Variants in PRRC2C observed in about 807,000 individuals in gnomAD.
PRRC2C encodes protein PRRC2C.
In PRRC2C, 72 loss-of-function variants were observed where a neutral mutation model predicts 317.2. That is an observed-to-expected ratio of 0.23 (90% confidence interval 0.19 to 0.28). The LOEUF (loss-of-function observed/expected upper bound fraction) is 0.28. Ranked by LOEUF, PRRC2C falls within the 10% of genes least tolerant of loss-of-function variation. PRRC2C has a pLI of 1.00. For synonymous variants in PRRC2C, 1,296 were observed against 1,205.9 expected (o/e 1.07, Z -1.55); for missense variants, 3,074 against 3,459.7 (o/e 0.89, Z 2.80).
intron 1 of PRRC2C, among the ~76,000 whole-genome samples, chr1:171,489,876 C>CTTTTAATTAAATGAATTAA (rs1395471686): frequency 1.3e-5 from 2 of 152,120 alleles, no homozygotes; most frequent in African/African-American, 2.4e-5. Flanking sequence ...TAATATTTTT[C>CTTTTAATTAAATGAATTAA]TTCAATTCAA....
In PRRC2C at chr1:171,587,120, G is replaced by C; in HGVS notation, c.7867G>C (p.Ala2623Pro). 6.2e-7 allele frequency: 1 copy of C among 1,611,534 alleles called. No individual in the cohort carries two copies. Among genetic ancestry groups the C allele is most frequent in the South Asian group, 1.1e-5 (1 of 90,288 alleles). The part of the protein sequence containing the change: ...QPPLQHTTPQ[A>P]QAQSLSRPAQ... ...CCCATTACAGCATACCACTCCCCAA[G>C]CACAGGCTCAGAGTCTGAGTCGTCC... Residue 2623 changes from alanine to proline, a missense_variant, in exon 31 of 35, where the codon GCA becomes CCA. Coordinates refer to ENST00000647382, the MANE Select transcript of PRRC2C (RefSeq NM_001387844.1).
Position 171,541,266 on chromosome 1 carries a change from C to T in PRRC2C, c.3800C>T (p.Thr1267Ile). The change falls in exon 16 of 35, where the codon ACT becomes ATT. Residue 1267 changes from threonine to isoleucine, a missense_variant. Physicochemically the swap from Thr to Ile is moderately conservative, Grantham distance 89. Around this residue, in one of 11 missense-constraint regions of PRRC2C, gnomAD observed 1,320 missense variants for 1,395.7 expected, o/e 0.95. Coordinates refer to ENST00000647382, the MANE Select transcript of PRRC2C (RefSeq NM_001387844.1). This position sits in a 1 kb window ranked among gnomAD's most constrained non-coding sequence, Gnocchi z 4.1. ...AGAAGACGACAGCGGGGTTCAGAGA[C>T]TGACACAGACAGTGAAATTCATGAA... ...PKRRRQRGSE[T>I]DTDSEIHESA... 1.2e-6 allele frequency: 2 copies of T among 1,613,908 alleles called. No individual in the cohort carries two copies. Among genetic ancestry groups the T allele is most frequent in the East Asian group, 2.2e-5 (1 of 44,872 alleles).
intron 24 of PRRC2C, among the ~76,000 whole-genome samples, chr1:171,572,711 A>G (rs1037104175): frequency 6.6e-6 from 1 of 152,112 alleles, no homozygotes; most frequent in African/African-American, 2.4e-5. Flanking sequence ...TATGGTTTTT[A>G]TCATTATACT....
At chr1:171,495,706 A>ACT (rs1355029285) in intron 1 of PRRC2C, among the ~76,000 whole-genome samples, 1 of 152,128 alleles carries the variant, frequency 6.6e-6, no homozygotes, top group Non-Finnish European at 1.5e-5. Flanking sequence ...TGGAACTAGG[A>ACT]GTGTGGTGAA....
intron 2 of PRRC2C, chr1:171,512,425 G>T (rs1266898578): frequency 1.8e-5 from 7 of 398,702 alleles, no homozygotes; most frequent in Non-Finnish European, 2.4e-5. Context: ...GTTTTTCTCT[G>T]TTGTCAGCAG....
At chr1:171,492,305 A>T (rs1667296320) in intron 1 of PRRC2C, among the ~76,000 whole-genome samples, 1 of 152,240 alleles carries the variant, frequency 6.6e-6, no homozygotes, top group South Asian at 2.1e-4. Context: ...CCCATGCTGA[A>T]TGATTTGTTT....
intron 2 of PRRC2C, 26 bp downstream of exon 2, chr1:171,512,226 G>A (rs1671500929): frequency 4.2e-6 from 6 of 1,429,604 alleles, no homozygotes; most frequent in Non-Finnish European, 5.8e-6. Flanking sequence ...TGACACTTAT[G>A]TTTTTCATGG....
Position 171,532,728 on chromosome 1 carries a change from T to C in PRRC2C, c.1640T>C (p.Leu547Pro). Reference sequence around the variant, plus strand: ...AGACAGCAGGAAAAGGAGAAAGAGCTGGAGAAGGAGCAGGAAAAACAAAGA... The same window carrying C: ...AGACAGCAGGAAAAGGAGAAAGAGCCGGAGAAGGAGCAGGAAAAACAAAGA... ...RERQQEKEKELEKEQEKQREM... is the reference protein window; with the variant it reads ...RERQQEKEKEPEKEQEKQREM... Residue 547 changes from leucine (L) to proline (P), a missense_variant, in exon 12 of 35, where the codon CTG (leucine) becomes CCG (proline). Around this residue, in one of 11 missense-constraint regions of PRRC2C, gnomAD observed 1,320 missense variants for 1,395.7 expected, o/e 0.95. Coordinates refer to ENST00000647382, the MANE Select transcript of PRRC2C (RefSeq NM_001387844.1). 1 of 1,540,940 alleles carries C rather than the reference T, an allele frequency of 6.5e-7. No individual in the cohort carries two copies. The highest frequency in any genetic ancestry group is 8.7e-7 in the Non-Finnish European group (1 of 1,144,394).
At chr1:171,515,291 CAAAGT>C (rs1390375574) in intron 4 of PRRC2C, among the ~76,000 whole-genome samples, 2 of 152,126 alleles carry the variant, frequency 1.3e-5, no homozygotes, top group Non-Finnish European at 2.9e-5. Context: ...TAAATTAAAT[CAAAGT>C]AAAGTAAATG....
At chr1:171,510,158 T>C (rs567565627) in intron 1 of PRRC2C, 54 of 152,364 alleles carry the variant, frequency 3.5e-4, no homozygotes, top group African/African-American at 1.3e-3. Context: ...GCCAGAAACA[T>C]GGTTCTGCGA....
At chr1:171,487,715 A>G (rs1373895041) in intron 1 of PRRC2C, among the ~76,000 whole-genome samples, 1 of 152,196 alleles carries the variant, frequency 6.6e-6, no homozygotes, top group East Asian at 1.9e-4. Flanking sequence ...ATAATGGATA[A>G]TGTATGTAAA....
intron 26 of PRRC2C, among the ~76,000 whole-genome samples, chr1:171,579,023 G>A (rs886255786): frequency 7.9e-5 from 12 of 152,160 alleles, no homozygotes; most frequent in African/African-American, 2.9e-4. Context: ...GAGTAGAATT[G>A]CTGGTTCAAT....
At chr1:171,503,428 G>A (rs1205678162) in intron 1 of PRRC2C, among the ~76,000 whole-genome samples, 1 of 151,918 alleles carries the variant, frequency 6.6e-6, no homozygotes, top group Non-Finnish European at 1.5e-5. Flanking sequence ...GGAGGCTGAG[G>A]CAGGAGAATC....
intron 3 of PRRC2C, among the ~76,000 whole-genome samples, chr1:171,514,251 A>AGTGTGTGTGTGTGTGTGT (rs758313835): frequency 7.6e-6 from 1 of 131,748 alleles, no homozygotes; most frequent in Non-Finnish European, 1.6e-5. Flanking sequence ...TTTAATTAAA[A>AGTGTGTGTGTGTGTGTGT]GTGTGTGTGT....
At position 171,577,717 on chromosome 1, in the gene PRRC2C, T is replaced by A. The variant is rs190205490; in HGVS notation, c.7159+80T>A. 29 of 1,284,954 alleles carry A rather than the reference T, an allele frequency of 2.3e-5. No individual in the cohort carries two copies. In the Admixed American group the frequency reaches 5.7e-4, roughly 25 times the overall value. 79.6% of individuals were successfully genotyped at this position (1,284,954 alleles called of 1,614,324 possible). On this transcript the variant is annotated intron_variant, in intron 26 of 34. Coordinates refer to ENST00000647382, the MANE Select transcript of PRRC2C (RefSeq NM_001387844.1). ...TGCTTATTTTTGTCTCTTCTTACCC[T>A]TTCAGCTAAGCATAAGGCTCTTAAA...
Position 171,517,732 on chromosome 1 carries a change from T to C in PRRC2C, c.668T>C (p.Ile223Thr), listed in dbSNP as rs980992721. 3.1e-6 allele frequency: 5 copies of C among 1,613,796 alleles called. No individual in the cohort carries two copies. In the Admixed American group the frequency reaches 5.0e-5, roughly 16 times the overall value. ...NDILKVVEKR[I>T]ACGPPQAKLN... ...ATCCTCAAAGTGGTGGAAAAGAGGATAGCTTGTGGTCCTCCACAGGCTAAA... is the reference window on the plus strand; with the variant it reads ...ATCCTCAAAGTGGTGGAAAAGAGGACAGCTTGTGGTCCTCCACAGGCTAAA... The change falls in exon 6 of 35, where the codon ATA (isoleucine) becomes ACA (threonine). Residue 223 changes from isoleucine (I) to threonine (T), a missense_variant. Around this residue, in one of 11 missense-constraint regions of PRRC2C, gnomAD observed 237 missense variants for 199.5 expected, o/e 1.19. Coordinates refer to ENST00000647382, the MANE Select transcript of PRRC2C (RefSeq NM_001387844.1).
intron 11 of PRRC2C, among the ~76,000 whole-genome samples, chr1:171,530,506 A>G (rs1226027798): frequency 6.6e-6 from 1 of 151,922 alleles, no homozygotes; most frequent in Non-Finnish European, 1.5e-5. Context: ...TTGGCCTCCT[A>G]AAGTGCTGGA....
intron 15 of PRRC2C, among the ~76,000 whole-genome samples, chr1:171,538,083 G>A (rs1438508053): frequency 6.6e-6 from 1 of 152,082 alleles, no homozygotes; most frequent in African/African-American, 2.4e-5. Flanking sequence ...TGTATTTTTA[G>A]TAGAGACGGG....
chr1:171,530,688 T>C (rs1675678371), intron 11 of PRRC2C, among the ~76,000 whole-genome samples: 1 of 152,164 alleles, frequency 6.6e-6, no homozygotes, highest in Admixed American at 6.6e-5. Flanking sequence ...TCTTTAGTTA[T>C]TAGGGAAATA....
Sources: allele counts gnomAD v4.1 joint callset (sites outside exome capture counted in the v4.1 genomes callset), GRCh38; gene constraint gnomAD v4.1.1; regional missense constraint gnomAD v4.1.1; non-coding constraint Gnocchi (gnomAD v3.1); transcripts MANE v1.5; gene names NCBI Gene and HGNC (gene_info 2026-07-23, HGNC 2026-07-21).